The following EYA1 variants were observed in gnomAD, a reference collection of about 807,000 sequenced individuals.
EYA1 encodes protein phosphatase EYA1.
Under a neutral mutation model 82.0 loss-of-function variants are expected in EYA1, and 16 were observed. The ratio of observed to expected loss-of-function variants is 0.20; its 90% CI spans 0.13 to 0.30. The LOEUF is 0.30. EYA1 is among the 10% of genes least tolerant of loss of function. EYA1 has a pLI of 1.00. For missense variants in EYA1, 633 were observed against 730.7 expected (o/e 0.87, Z 1.54); for synonymous variants, 261 against 264.4 (o/e 0.99, Z 0.12).
At chr8:71,353,221 C>G (rs575495939) in intron 3 of EYA1, among the ~76,000 whole-genome samples, 4 of 152,146 alleles carry the variant, frequency 2.6e-5, no homozygotes, top group Non-Finnish European at 5.9e-5. Flanking sequence ...GGCCTGCCGG[C>G]GCAGGGACCT....
At chr8:71,523,336 G>A (rs1327990544) in intron 2 of EYA1, among the ~76,000 whole-genome samples, 1 of 151,830 alleles carries the variant, frequency 6.6e-6, no homozygotes, top group South Asian at 2.1e-4. Flanking sequence ...CCGCCACCAC[G>A]CCTGGCTAAT....
intron 3 of EYA1, among the ~76,000 whole-genome samples, chr8:71,335,013 T>C (rs1824319955): frequency 6.6e-6 from 1 of 152,218 alleles, no homozygotes; most frequent in African/African-American, 2.4e-5. Flanking sequence ...TTGTTCTCTC[T>C]AGTTTTACAT....
At chr8:71,544,828 G>T (rs754073110) in intron 1 of EYA1, among the ~76,000 whole-genome samples, 19 of 152,140 alleles carry the variant, frequency 1.2e-4, no homozygotes, top group Non-Finnish European at 2.6e-4. Flanking sequence ...TAATTCTGCT[G>T]TTCTATATTT....
intron 7 of EYA1, among the ~76,000 whole-genome samples, chr8:71,314,977 C>T (rs1398325134): frequency 7.3e-6 from 1 of 137,046 alleles, no homozygotes; most frequent in Non-Finnish European, 1.6e-5. Context: ...CTTTTCTACT[C>T]ATTCATTTCC....
intron 2 of EYA1, among the ~76,000 whole-genome samples, chr8:71,433,326 T>C: frequency 6.6e-6 from 1 of 152,204 alleles, no homozygotes; most frequent in East Asian, 1.9e-4. Context: ...TCTTTTAGGA[T>C]GTCAGAATAT....
At chr8:71,224,933 G>GGA (rs1013975981) in intron 12 of EYA1, among the ~76,000 whole-genome samples, 1 of 152,230 alleles carries the variant, frequency 6.6e-6, no homozygotes. Context: ...TTCTACAGAG[G>GGA]GAGAGGAGTA....
chr8:71,315,989 TA>T (rs201996775), intron 7 of EYA1, among the ~76,000 whole-genome samples: 11 of 150,988 alleles, frequency 7.3e-5, no homozygotes, highest in South Asian at 6.3e-4. Flanking sequence ...AAATGATAAA[TA>T]AAAAAAAATC....
intron 12 of EYA1, chr8:71,225,024 G>A (rs1400038783): frequency 7.6e-6 from 2 of 264,024 alleles, no homozygotes; most frequent in Non-Finnish European, 1.5e-5. Flanking sequence ...GGTACATCAA[G>A]TGTAGGCTCC....
intron 2 of EYA1, among the ~76,000 whole-genome samples, chr8:71,439,408 T>G (rs1300086259): frequency 3.3e-5 from 5 of 152,120 alleles, no homozygotes; most frequent in Non-Finnish European, 7.4e-5. Flanking sequence ...ACTTAGGAGT[T>G]GCAGTTCTAA....
intron 2 of EYA1, among the ~76,000 whole-genome samples, chr8:71,376,573 C>T (rs1279002402): frequency 6.6e-6 from 1 of 151,976 alleles, no homozygotes; most frequent in Non-Finnish European, 1.5e-5. Context: ...TGTAATCTGA[C>T]CAGGGTTTTC....
intron 3 of EYA1, among the ~76,000 whole-genome samples, chr8:71,342,921 T>G (rs990472064): frequency 6.6e-6 from 1 of 152,172 alleles, no homozygotes; most frequent in Admixed American, 6.5e-5. Context: ...CATCACAAAA[T>G]AGAGAGATAA....
chr8:71,450,947 T>C (rs890380304), intron 2 of EYA1, among the ~76,000 whole-genome samples: 1 of 152,120 alleles, frequency 6.6e-6, no homozygotes, highest in African/African-American at 2.4e-5. Context: ...ACTAAAAACA[T>C]GCAAAAGAAG....
chr8:71,460,372 G>C (rs987169784), intron 2 of EYA1, among the ~76,000 whole-genome samples: 2 of 152,176 alleles, frequency 1.3e-5, no homozygotes, highest in Non-Finnish European at 2.9e-5. Context: ...TGTGCAGCCT[G>C]GATTGTGTTC....
chr8:71,341,308 A>G (rs1331394031), intron 3 of EYA1, among the ~76,000 whole-genome samples: 2 of 152,204 alleles, frequency 1.3e-5, no homozygotes, highest in African/African-American at 4.8e-5. Flanking sequence ...AAGCACAACC[A>G]TGTAACGTTA....
chr8:71,370,397 G>T (rs919407069), intron 2 of EYA1, among the ~76,000 whole-genome samples: 2 of 147,904 alleles, frequency 1.4e-5, no homozygotes, highest in Non-Finnish European at 3.0e-5. Flanking sequence ...CAGGTACTAT[G>T]GGCATAGATG....
At chr8:71,208,171 G>A (rs958945684) in intron 17 of EYA1, among the ~76,000 whole-genome samples, 1 of 151,660 alleles carries the variant, frequency 6.6e-6, no homozygotes, top group Non-Finnish European at 1.5e-5. Context: ...AGTGGCTCAT[G>A]CCTGTAATCC....
At chr8:71,524,531 G>T (rs1466213584) in intron 2 of EYA1, among the ~76,000 whole-genome samples, 1 of 152,132 alleles carries the variant, frequency 6.6e-6, no homozygotes, top group Non-Finnish European at 1.5e-5. Context: ...ACATCCCTGT[G>T]ATAGCTATAC....
chr8:71,365,049 G>C (rs1005647530), upstream of EYA1, among the ~76,000 whole-genome samples: 4 of 144,060 alleles, frequency 2.8e-5, no homozygotes, highest in Non-Finnish European at 6.0e-5. Flanking sequence ...TATTACAAAT[G>C]TCATGTATAT....
At chr8:71,476,719 A>T (rs1417498195) in intron 2 of EYA1, among the ~76,000 whole-genome samples, 1 of 152,142 alleles carries the variant, frequency 6.6e-6, no homozygotes, top group East Asian at 1.9e-4. Context: ...GAAATAGATA[A>T]GTTGTTCCTA....
Sources: allele counts gnomAD v4.1 joint callset (sites outside exome capture counted in the v4.1 genomes callset), GRCh38; gene constraint gnomAD v4.1.1; transcripts MANE v1.5; gene names NCBI Gene and HGNC (gene_info 2026-07-23, HGNC 2026-07-21).